Variants in PLCB1 observed in about 807,000 individuals in gnomAD.
PLCB1 encodes the protein phospholipase C beta 1, also known as 1-phosphatidylinositol 4,5-bisphosphate phosphodiesterase beta-1.
Under a neutral mutation model 161.8 loss-of-function variants are expected in PLCB1, and 46 were observed. The observed-to-expected ratio is 0.28, with a 90% CI of 0.22 to 0.36. PLCB1 has a LOEUF of 0.36. PLCB1 is among the 10% of genes least tolerant of loss of function. The pLI is 1.00. For synonymous variants in PLCB1, 517 were observed against 503.7 expected, an observed-to-expected ratio of 1.03 and a Z score of -0.35; for missense variants, 1,016 against 1,472.5, an observed-to-expected ratio of 0.69 and a Z score of 5.07.
intron 2 of PLCB1, among the ~76,000 whole-genome samples, chr20:8,238,673 TA>T (rs1271191145): frequency 6.6e-6 from 1 of 151,754 alleles, no homozygotes; most frequent in East Asian, 1.9e-4. Context: ...TAATTGGTTT[TA>T]AAAAAAAGAT....
intron 2 of PLCB1, among the ~76,000 whole-genome samples, chr20:8,218,688 G>T (rs541578068): frequency 4.0e-5 from 6 of 151,688 alleles, no homozygotes; most frequent in Non-Finnish European, 8.8e-5. Flanking sequence ...AGGCAACAGA[G>T]AGCATGAATT....
At chr20:8,200,958 A>T (rs2052085980) in intron 2 of PLCB1, among the ~76,000 whole-genome samples, 2 of 149,770 alleles carry the variant, frequency 1.3e-5, no homozygotes, top group Admixed American at 1.3e-4. Flanking sequence ...ACATAGGCTA[A>T]GTTTTGTCAA....
chr20:8,667,130 A>G (rs570632799), intron 9 of PLCB1, among the ~76,000 whole-genome samples: 8 of 152,284 alleles, frequency 5.3e-5, no homozygotes, highest in Non-Finnish European at 1.0e-4. Context: ...AATAAGATCA[A>G]TTTTCTCCCA....
At chr20:8,737,568 A>C (rs1980646965) in intron 20 of PLCB1, among the ~76,000 whole-genome samples, 1 of 152,256 alleles carries the variant, frequency 6.6e-6, no homozygotes, top group Non-Finnish European at 1.5e-5. Context: ...TTCCTTTAAA[A>C]GGAATATTAT....
At chr20:8,571,902 T>C (rs1157936780) in intron 3 of PLCB1, among the ~76,000 whole-genome samples, 2 of 152,150 alleles carry the variant, frequency 1.3e-5, no homozygotes, top group Admixed American at 1.3e-4. Context: ...AGGGGCCCTT[T>C]TCCAAAAAGC....
chr20:8,335,775 C>T (rs535456728), intron 2 of PLCB1, among the ~76,000 whole-genome samples: 11 of 152,198 alleles, frequency 7.2e-5, no homozygotes, highest in Admixed American at 4.6e-4. Context: ...ACATCTGTAA[C>T]GCTGCAGAAG....
intron 3 of PLCB1, among the ~76,000 whole-genome samples, chr20:8,422,246 AC>A (rs1401281145): frequency 2.0e-5 from 3 of 152,240 alleles, no homozygotes; most frequent in Non-Finnish European, 4.4e-5. Context: ...CGTGACTAAC[AC>A]TTCAAGAAGA....
intron 2 of PLCB1, among the ~76,000 whole-genome samples, chr20:8,220,186 T>G (rs1021889501): frequency 1.3e-5 from 2 of 152,152 alleles, no homozygotes; most frequent in African/African-American, 4.8e-5. Context: ...AAAACTGCGA[T>G]TGGTATCACA....
intron 3 of PLCB1, among the ~76,000 whole-genome samples, chr20:8,552,681 C>T (rs576129451): frequency 1.3e-5 from 2 of 152,080 alleles, no homozygotes; most frequent in South Asian, 4.1e-4. Context: ...AAAAGTCACA[C>T]ATACATACAC....
intron 3 of PLCB1, among the ~76,000 whole-genome samples, chr20:8,593,776 T>C (rs896316550): frequency 1.3e-5 from 2 of 152,190 alleles, no homozygotes; most frequent in Non-Finnish European, 2.9e-5. Context: ...TTATGGACTT[T>C]GCCTTGCATG....
At chr20:8,328,512 A>G (rs920389442) in intron 2 of PLCB1, among the ~76,000 whole-genome samples, 1 of 151,442 alleles carries the variant, frequency 6.6e-6, no homozygotes, top group Admixed American at 6.6e-5. Flanking sequence ...TAACTATTCC[A>G]TTTTAATTTT....
At chr20:8,294,827 A>T (rs1201651080) in intron 2 of PLCB1, among the ~76,000 whole-genome samples, 1 of 151,920 alleles carries the variant, frequency 6.6e-6, no homozygotes, top group East Asian at 1.9e-4. Context: ...TTACCAAGGG[A>T]TCTGCACAAG....
At chr20:8,301,593 A>C (rs933395939) in intron 2 of PLCB1, among the ~76,000 whole-genome samples, 1 of 152,046 alleles carries the variant, frequency 6.6e-6, no homozygotes, top group Non-Finnish European at 1.5e-5. Flanking sequence ...AGACACATGC[A>C]ACTCCTGCTG....
intron 26 of PLCB1, among the ~76,000 whole-genome samples, chr20:8,770,738 C>T (rs550758006): frequency 5.9e-5 from 9 of 152,296 alleles, no homozygotes; most frequent in Admixed American, 5.9e-4. Context: ...TTCTGAGTTT[C>T]TGATTAGCCT....
intron 23 of PLCB1, among the ~76,000 whole-genome samples, chr20:8,748,682 G>T (rs962502326): frequency 6.6e-6 from 1 of 152,100 alleles, no homozygotes; most frequent in African/African-American, 2.4e-5. Flanking sequence ...GAAATGGGGA[G>T]GTGTGGGTCA....
chr20:8,718,218 C>CAA (rs143388119), intron 14 of PLCB1, among the ~76,000 whole-genome samples: 11,483 of 147,288 alleles, frequency 0.078, 474 homozygotes, highest in African/African-American at 0.1. Flanking sequence ...GACTCCGTCT[C>CAA]AAAAAAAAAA....
chr20:8,796,638 A>G lies in PLCB1; in HGVS notation c.3423+6377A>G, dbSNP rs539859967. ...GTTCTGTAGAAGAAAATTCTTTTTC[A>G]TTTTTGTCAATATAAAGAATTGCCT... On this transcript the variant is annotated intron_variant, in intron 31 of 31. Transcript: ENST00000338037. Among the ~76,000 whole-genome samples the G allele has an allele frequency of 5.9e-5, 9 of 152,240 alleles. No individual in the cohort carries two copies. In the East Asian group the frequency reaches 1.4e-3, roughly 23 times the overall value.
At chr20:8,684,876 G>T (rs971981041) in intron 9 of PLCB1, 56 bp from the exon 10 acceptor site, 9 of 1,357,582 alleles carry the variant, frequency 6.6e-6, no homozygotes, top group Non-Finnish European at 9.1e-6. Flanking sequence ...AAAAAGAGGC[G>T]ACTTGACACC....
chr20:8,621,631 A>G (rs147308375), intron 3 of PLCB1, among the ~76,000 whole-genome samples: 1,884 of 152,352 alleles, frequency 0.012, 37 homozygotes, highest in African/African-American at 0.043. Flanking sequence ...TGCCTAAAAT[A>G]TCGCTAAACA....
Sources: allele counts gnomAD v4.1 joint callset (sites outside exome capture counted in the v4.1 genomes callset), GRCh38; gene constraint gnomAD v4.1.1; transcripts MANE v1.5; gene names NCBI Gene and HGNC (gene_info 2026-07-23, HGNC 2026-07-21).